The following NFIX variants were observed in gnomAD, a reference collection of about 807,000 sequenced individuals.
NFIX encodes nuclear factor I X.
A neutral mutation model predicts 53.3 loss-of-function variants in NFIX; 2 were observed. The ratio of observed to expected loss-of-function variants is 0.04; its 90% CI spans 0.02 to 0.12. The LOEUF (loss-of-function observed/expected upper bound fraction) is 0.12. Among genes scored for constraint, NFIX ranks in the 10% least tolerant of loss-of-function variants. The pLI, the probability that NFIX is intolerant of heterozygous loss-of-function variation, is 1.00. For missense variants in NFIX, 310 were observed against 674.5 expected, an observed-to-expected ratio of 0.46 and a Z score of 5.99; for synonymous variants, 244 against 289.0, an observed-to-expected ratio of 0.84 and a Z score of 1.58.
chr19:12,999,213 G>A (rs1207725216), intron 1 of NFIX, among the ~76,000 whole-genome samples: 5 of 149,704 alleles, frequency 3.3e-5, no homozygotes, highest in South Asian at 4.2e-4. Context: ...TTGCTCTGTC[G>A]CCCAGGTTGG....
Position 13,077,266 on chromosome 19 carries a change from T to A in NFIX, c.956-1347T>A, listed in dbSNP as rs570368303. On this transcript the variant is annotated intron_variant, in intron 6 of 10. Coordinates refer to ENST00000592199, the MANE Select transcript of NFIX (RefSeq NM_001365902.3). ...CTCTCCTTTCTTGGCTGTCTGCTTT[T>A]GCGCCTGCCATTTCTGCATTTCTGC... is the stretch of plus-strand genomic sequence containing the variant. 2.6e-5 allele frequency among the ~76,000 whole-genome samples: 4 copies of A among 152,310 alleles called. No individual in the cohort carries two copies. In the South Asian group the frequency reaches 8.3e-4, roughly 32 times the overall value.
chr19:13,059,777 CTTTTTTTTT>C (rs35128120), intron 2 of NFIX, among the ~76,000 whole-genome samples: 2 of 60,336 alleles, frequency 3.3e-5, no homozygotes, highest in African/African-American at 1.3e-4. Flanking sequence ...AATTAGAATT[CTTTTTTTTT>C]TTTTTTTTTT....
chr19:13,001,057 G>A lies in NFIX; in HGVS notation c.27+5193G>A, dbSNP rs1049098335. Among the ~76,000 whole-genome samples the A allele has an allele frequency of 1.3e-5, 2 of 152,156 alleles. No individual in the cohort carries two copies. Among genetic ancestry groups the A allele is most frequent in the Admixed American group, 6.5e-5 (1 of 15,286 alleles). On this transcript the variant is annotated intron_variant, in intron 1 of 10. Transcript: ENST00000592199. The surrounding 1 kb of genome is among the most constrained non-coding windows in gnomAD (Gnocchi z 6.5). Reference sequence around the variant, plus strand: ...GGAGGCTGGGCACTTTCTCCAACACGGTGCTGAGAATGGGCCTTCTGTCCC... The same window carrying A: ...GGAGGCTGGGCACTTTCTCCAACACAGTGCTGAGAATGGGCCTTCTGTCCC...
chr19:13,053,442 G>T (rs1469558534), intron 2 of NFIX, among the ~76,000 whole-genome samples: 1 of 152,184 alleles, frequency 6.6e-6, no homozygotes, highest in Non-Finnish European at 1.5e-5. Context: ...GCAGAGGGGG[G>T]AAGGGGAGAG....
At chr19:13,047,371 G>A (rs1436108798) in intron 2 of NFIX, among the ~76,000 whole-genome samples, 1 of 151,870 alleles carries the variant, frequency 6.6e-6, no homozygotes, top group East Asian at 1.9e-4. Flanking sequence ...TTTCAAAAAC[G>A]TGGCCACATC....
chr19:13,039,231 CA>C (rs1183228273), intron 2 of NFIX, among the ~76,000 whole-genome samples: 6 of 141,564 alleles, frequency 4.2e-5, no homozygotes, highest in African/African-American at 1.9e-4. Context: ...CCCCCCCCCA[CA>C]CACACACATA....
rs918734938 is a variant in NFIX, at chr19:13,088,438, G to A, written c.1402+302G>A. ...CGCGCAGGCCAGGGGTGCTGGCGGG[G>A]GTGGGAGGGGGCGGGGAGGCACAGC... On this transcript the variant is annotated intron_variant, in intron 9 of 10. Coordinates refer to ENST00000592199, the MANE Select transcript of NFIX (RefSeq NM_001365902.3). The surrounding 1 kb of genome is among the most constrained non-coding windows in gnomAD (Gnocchi z 5.9). Among the ~76,000 whole-genome samples the A allele has an allele frequency of 6.6e-6, 1 of 152,102 alleles. No homozygotes were observed. The highest frequency in any genetic ancestry group is 6.5e-5 in the Admixed American group (1 of 15,286).
chr19:13,015,812 A>G (rs1274570063), intron 1 of NFIX, among the ~76,000 whole-genome samples: 1 of 150,310 alleles, frequency 6.7e-6, no homozygotes, highest in Non-Finnish European at 1.5e-5. Context: ...ACACACACAC[A>G]CGCACACGCA....
At chr19:13,054,549 C>T (rs2015530137) in intron 2 of NFIX, among the ~76,000 whole-genome samples, 1 of 152,042 alleles carries the variant, frequency 6.6e-6, no homozygotes, top group African/African-American at 2.4e-5. Flanking sequence ...AAACCTATGG[C>T]CCACTCCTGG....
At chr19:13,029,816 T>A (rs554257884) in intron 2 of NFIX, among the ~76,000 whole-genome samples, 12 of 152,178 alleles carry the variant, frequency 7.9e-5, no homozygotes, top group African/African-American at 2.9e-4. Context: ...GGCACTCTAG[T>A]TTAGGGTTTG....
chr19:13,018,547 C>G (rs2012794791), intron 1 of NFIX, among the ~76,000 whole-genome samples: 1 of 152,228 alleles, frequency 6.6e-6, no homozygotes, highest in Non-Finnish European at 1.5e-5. Flanking sequence ...TATCCGAGCT[C>G]CCTCGCAAAG....
rs1284920302 is a variant in NFIX at position 13,073,803 on chromosome 19, G to A, written c.698-103G>A. ...CTTTCTCCCATCTCCTGGCCCCACAGTAAACTCACCCTGGGCTTCTGGGAA... is the reference window on the plus strand; with the variant it reads ...CTTTCTCCCATCTCCTGGCCCCACAATAAACTCACCCTGGGCTTCTGGGAA... On this transcript the variant is annotated intron_variant, in intron 4 of 10. Coordinates refer to ENST00000592199, the MANE Select transcript of NFIX (RefSeq NM_001365902.3). The surrounding 1 kb of genome is among the most constrained non-coding windows in gnomAD (Gnocchi z 4.5). 5.3e-6 allele frequency: 8 copies of A among 1,510,624 alleles called. No individual in the cohort carries two copies. The highest frequency in any genetic ancestry group is 1.7e-4 in the Middle Eastern group (1 of 5,886). 93.6% of individuals were successfully genotyped at this position (1,510,624 alleles called of 1,614,324 possible). A position where few individuals can be genotyped will look rare whatever the true frequency, so the allele number is the denominator to read the frequency against.
chr19:13,073,773 G>A lies in NFIX; in HGVS notation c.698-133G>A. On this transcript the variant is annotated intron_variant, in intron 4 of 10. Transcript: ENST00000592199. This position sits in a 1 kb window ranked among gnomAD's most constrained non-coding sequence, Gnocchi z 4.5. The stretch of plus-strand genomic sequence containing the variant: ...AGGAGGTTCCTCAGCAGCCCAGATG[G>A]CCCACTTTCTCCCATCTCCTGGCCC... 2.4e-6 allele frequency: 3 copies of A among 1,236,562 alleles called. No individual in the cohort carries two copies. The South Asian group carries it at 4.2e-5, about 17-fold the overall frequency. 76.6% of individuals were successfully genotyped at this position (1,236,562 alleles called of 1,614,324 possible). A position where few individuals can be genotyped will look rare whatever the true frequency, so the allele number is the denominator to read the frequency against.
At chr19:13,055,896 C>T (rs1004946062) in intron 2 of NFIX, among the ~76,000 whole-genome samples, 3 of 152,160 alleles carry the variant, frequency 2.0e-5, no homozygotes, top group African/African-American at 7.2e-5. Context: ...GGACTTTGGC[C>T]AGCAAATCTC....
chr19:13,083,547 T>C (rs1475761630), intron 8 of NFIX, among the ~76,000 whole-genome samples: 3 of 152,202 alleles, frequency 2.0e-5, no homozygotes, highest in Non-Finnish European at 4.4e-5. Flanking sequence ...TATAGAGCCA[T>C]AGTTTTTAAA....
rs1262610938 is a variant in NFIX, at chr19:13,089,058, T to C, written c.1402+922T>C. Among the ~76,000 whole-genome samples the C allele has an allele frequency of 6.6e-6, 1 of 152,084 alleles. No homozygotes were observed. The highest frequency in any genetic ancestry group is 1.5e-5 in the Non-Finnish European group (1 of 68,004). On this transcript the variant is annotated intron_variant, in intron 9 of 10. Transcript: ENST00000592199. The surrounding 1 kb of genome is among the most constrained non-coding windows in gnomAD (Gnocchi z 4.8). Reference sequence around the variant, plus strand: ...GTGGGAGGGGTGGCCCATCTCACACTGCTCTCCGCTCGCTTTGTCTCTCCT... The same window carrying C: ...GTGGGAGGGGTGGCCCATCTCACACCGCTCTCCGCTCGCTTTGTCTCTCCT...
chr19:13,073,256 G>T lies in NFIX; in HGVS notation c.622+147G>T. On this transcript the variant is annotated intron_variant, in intron 3 of 10. Transcript: ENST00000592199. The surrounding 1 kb of genome is among the most constrained non-coding windows in gnomAD (Gnocchi z 4.5). ...CTTAGCTTGCTGTCCTGAGGGGATG[G>T]GGGCACACCTAGAGGATCCCCCCTG... is the stretch of plus-strand genomic sequence containing the variant. 1.0e-6 allele frequency: 1 copy of T among 967,624 alleles called. No homozygotes were observed. Among genetic ancestry groups the T allele is most frequent in the East Asian group, 2.4e-5 (1 of 41,546 alleles). The allele number at this position is 967,624 out of a possible 1,614,324, so 59.9% of individuals were successfully genotyped here.
intron 1 of NFIX, among the ~76,000 whole-genome samples, chr19:13,023,501 C>T (rs1046949359): frequency 1.3e-5 from 2 of 152,070 alleles, no homozygotes; most frequent in Admixed American, 6.5e-5. Context: ...CCTTTTTCTT[C>T]AGCTGCCGCT....
rs2012947967 is a variant in NFIX, at chr19:13,021,391, C to T, written c.28-3630C>T. Among the ~76,000 whole-genome samples the T allele has an allele frequency of 6.6e-6, 1 of 152,106 alleles. No homozygotes were observed. Among genetic ancestry groups the T allele is most frequent in the South Asian group, 2.1e-4 (1 of 4,816 alleles). On this transcript the variant is annotated intron_variant, in intron 1 of 10. Transcript: ENST00000592199. This position sits in a 1 kb window ranked among gnomAD's most constrained non-coding sequence, Gnocchi z 4.2. ...CCCAGGTGTTGGGCAGCCCCTCTCC[C>T]ATTGTCAGGGTTCAGCGCCAGCCCA...
Sources: gnomAD v4.1 joint callset for allele counts (sites outside exome capture counted in the v4.1 genomes callset) on GRCh38, gnomAD v4.1.1 for gene constraint, Gnocchi (gnomAD v3.1) non-coding constraint, MANE v1.5 for transcripts, NCBI Gene and HGNC (gene_info 2026-07-23, HGNC 2026-07-21) for gene names.